PCBP3: variants seen among roughly 807,000 people sequenced by gnomAD.
PCBP3 encodes poly(rC) binding protein 3, also known as poly(rC)-binding protein 3.
PCBP3 carries 25 observed loss-of-function variants against 52.7 expected under a neutral mutation model. That is an observed-to-expected ratio of 0.47 (90% CI 0.35 to 0.66). The LOEUF is 0.66. Ranked by LOEUF, PCBP3 falls within the 30% of genes least tolerant of loss-of-function variation. The pLI, the probability that PCBP3 is intolerant of heterozygous loss-of-function variation, is 0.01. For missense variants in PCBP3, 391 were observed against 490.3 expected, an observed-to-expected ratio of 0.80 and a Z score of 1.91; for synonymous variants, 162 against 183.0, an observed-to-expected ratio of 0.89 and a Z score of 0.93.
chr21:45,845,612 T>A (rs1029886352), intron 4 of PCBP3, among the ~76,000 whole-genome samples: 1 of 150,528 alleles, frequency 6.6e-6, no homozygotes, highest in African/African-American at 2.5e-5. Context: ...TGTGTATGCA[T>A]GTGTGTGAAC....
intron 4 of PCBP3, among the ~76,000 whole-genome samples, chr21:45,814,470 GGTGA>G (rs1290002135): frequency 1.9e-5 from 2 of 107,212 alleles, no homozygotes; most frequent in Non-Finnish European, 4.0e-5. Context: ...AGTGATGAGT[GGTGA>G]GTGAGTGATG....
intron 4 of PCBP3, among the ~76,000 whole-genome samples, chr21:45,784,805 T>C (rs1462786212): frequency 6.6e-6 from 1 of 152,162 alleles, no homozygotes; most frequent in Non-Finnish European, 1.5e-5. Flanking sequence ...TGATCTCGGC[T>C]CGCTACAACA....
chr21:45,675,408 A>G (rs995156978), intron 2 of PCBP3, among the ~76,000 whole-genome samples: 2 of 152,198 alleles, frequency 1.3e-5, no homozygotes, highest in African/African-American at 2.4e-5. Context: ...AAATGCTCTT[A>G]TTTGTGGTCT....
At position 45,800,304 on chromosome 21, in the gene PCBP3, G is replaced by A. The variant is rs369277710; in HGVS notation, c.-126+44852G>A. 7.9e-5 allele frequency among the ~76,000 whole-genome samples: 12 copies of A among 152,156 alleles called. No homozygotes were observed. Among genetic ancestry groups the A allele is most frequent in the African/African-American group, 1.4e-4 (6 of 41,436 alleles). The stretch of plus-strand genomic sequence containing the variant: ...CAGGTCCAGGTCAGGGCTACCCCTC[G>A]CACAGCCCAGCAGGATGTGGGAGCA... On this transcript the variant is annotated intron_variant, in intron 4 of 17. Coordinates refer to ENST00000681687, the MANE Select transcript of PCBP3 (RefSeq NM_001384156.1). The surrounding 1 kb of genome is among the most constrained non-coding windows in gnomAD (Gnocchi z 5.3).
chr21:45,940,281 G>A (rs73910229), intron 17 of PCBP3, 82 bp downstream of exon 17: 18 of 1,232,462 alleles, frequency 1.5e-5, no homozygotes, highest in Non-Finnish European at 2.1e-5. Flanking sequence ...CGGTCGGGGG[G>A]TGGGAGGAGG....
intron 4 of PCBP3, among the ~76,000 whole-genome samples, chr21:45,833,870 C>A (rs970821424): frequency 6.6e-6 from 1 of 152,196 alleles, no homozygotes; most frequent in African/African-American, 2.4e-5. Context: ...ACACCTGACT[C>A]CCTTTTAAAG....
chr21:45,941,575 G>A (rs938719212), intron 17 of PCBP3, 95 bp from the exon 18 acceptor site: 36 of 1,150,808 alleles, frequency 3.1e-5, no homozygotes, highest in African/African-American at 2.6e-4. Context: ...CTGTCCCAGC[G>A]AGCACAGAGG....
chr21:45,888,169 C>T (rs905067154), intron 5 of PCBP3, among the ~76,000 whole-genome samples: 8 of 152,310 alleles, frequency 5.3e-5, no homozygotes, highest in East Asian at 1.9e-4. Flanking sequence ...TGCTCTGAGC[C>T]GGGCCCTCCT....
At chr21:45,841,830 T>C (rs1214050331) in intron 4 of PCBP3, among the ~76,000 whole-genome samples, 1 of 152,212 alleles carries the variant, frequency 6.6e-6, no homozygotes, top group Non-Finnish European at 1.5e-5. Flanking sequence ...GTGAAATATG[T>C]TTGAGGCCTG....
At chr21:45,787,774 G>T (rs1031831296) in intron 4 of PCBP3, among the ~76,000 whole-genome samples, 2 of 152,194 alleles carry the variant, frequency 1.3e-5, no homozygotes, top group African/African-American at 4.8e-5. Context: ...TTTGGTTGGG[G>T]TCTGTAGCAT....
intron 7 of PCBP3, 39 bp downstream of exon 7, chr21:45,899,661 T>G: frequency 6.5e-7 from 1 of 1,535,210 alleles, no homozygotes; most frequent in Non-Finnish European, 9.0e-7. Context: ...CTGGGGTCTC[T>G]GTAAGGGGAT....
At chr21:45,714,835 G>C (rs1283182862) in intron 2 of PCBP3, among the ~76,000 whole-genome samples, 1 of 152,122 alleles carries the variant, frequency 6.6e-6, no homozygotes, top group Admixed American at 6.6e-5. Context: ...TTGGAGGCAC[G>C]TTTTCAGGTA....
At chr21:45,874,216 G>A (rs1250560636) in intron 5 of PCBP3, among the ~76,000 whole-genome samples, 1 of 152,210 alleles carries the variant, frequency 6.6e-6, no homozygotes, top group Non-Finnish European at 1.5e-5. Context: ...GGCTCACTTT[G>A]ACCTTTTTCC....
At chr21:45,667,312 G>C (rs1028620359) in intron 1 of PCBP3, among the ~76,000 whole-genome samples, 1 of 151,544 alleles carries the variant, frequency 6.6e-6, no homozygotes, top group Admixed American at 6.6e-5. Flanking sequence ...TTGGCCATCT[G>C]TTGGTATTCT....
intron 4 of PCBP3, among the ~76,000 whole-genome samples, chr21:45,826,655 C>G (rs1045671137): frequency 5.3e-5 from 8 of 152,186 alleles, no homozygotes; most frequent in Non-Finnish European, 1.0e-4. Flanking sequence ...GGCCAGCCAG[C>G]CACATACCTC....
At chr21:45,659,828 A>G (rs189039092) in intron 1 of PCBP3, among the ~76,000 whole-genome samples, 7 of 152,202 alleles carry the variant, frequency 4.6e-5, no homozygotes, top group Admixed American at 1.3e-4. Flanking sequence ...TATTACTTCA[A>G]TCCTTTAAAA....
rs147337913 is a variant in PCBP3 at position 45,850,590 on chromosome 21, G to A, written c.10+495G>A. On this transcript the variant is annotated intron_variant, in intron 5 of 17. Coordinates refer to ENST00000681687, the MANE Select transcript of PCBP3 (RefSeq NM_001384156.1). ...TTCTGTTGATACAATTGCAAGGAAC[G>A]TTGGATGAATGAGCAGTTGTGTTTG... is the stretch of plus-strand genomic sequence containing the variant. Among the ~76,000 whole-genome samples, 34 of 152,314 alleles carry A rather than the reference G, an allele frequency of 2.2e-4. No homozygotes were observed. The East Asian group carries it at 6.2e-3, about 28-fold the overall frequency.
chr21:45,791,682 T>A lies in PCBP3; in HGVS notation c.-126+36230T>A, dbSNP rs1232008891. ...GAAGTAGAATACAACTAAGAAAAAA[T>A]TTTAAAATACAACTACCTCTTCAGC... On this transcript the variant is annotated intron_variant, in intron 4 of 17. Transcript: ENST00000681687. The surrounding 1 kb of genome is among the most constrained non-coding windows in gnomAD (Gnocchi z 4.2). 1.3e-5 allele frequency among the ~76,000 whole-genome samples: 2 copies of A among 152,106 alleles called. No homozygotes were observed. Among genetic ancestry groups the A allele is most frequent in the South Asian group, 2.1e-4 (1 of 4,830 alleles).
chr21:45,644,062 C>A (rs1465436892), intron 1 of PCBP3, among the ~76,000 whole-genome samples, 194 bp downstream of exon 1: 1 of 150,130 alleles, frequency 6.7e-6, no homozygotes, highest in Non-Finnish European at 1.5e-5. Context: ...CCCGGGGCAG[C>A]GAGGGGACTC....
Sources: allele counts gnomAD v4.1 joint callset (sites outside exome capture counted in the v4.1 genomes callset), GRCh38; gene constraint gnomAD v4.1.1; non-coding constraint Gnocchi (gnomAD v3.1); transcripts MANE v1.5; gene names NCBI Gene and HGNC (gene_info 2026-07-23, HGNC 2026-07-21).